Variants in CDH12 observed in about 807,000 individuals in gnomAD.
CDH12 encodes the protein cadherin 12.
A neutral mutation model predicts 74.1 loss-of-function variants in CDH12; 41 were observed. The observed-to-expected ratio is 0.55, with a 90% CI of 0.43 to 0.72. The LOEUF is 0.72. Ranked by LOEUF, CDH12 falls within the 30% of genes least tolerant of loss-of-function variation. The pLI, the probability that CDH12 is intolerant of heterozygous loss-of-function variation, is 0.00. For missense variants in CDH12, 945 were observed against 977.2 expected (o/e 0.97, Z 0.44); for synonymous variants, 399 against 355.0 (o/e 1.12, Z -1.39).
At position 22,699,908 on chromosome 5, in the gene CDH12, C is replaced by T. The variant is rs535425973; in HGVS notation, c.-523+153150G>A. Reference sequence around the variant, plus strand: ...ATGCATCCACAGCCAGGAACGATGGCGCACACCTGTAATCCCAGCACTTTG... The same window carrying T: ...ATGCATCCACAGCCAGGAACGATGGTGCACACCTGTAATCCCAGCACTTTG... On this transcript the variant is annotated intron_variant, in intron 1 of 14. Transcript: ENST00000382254. Among the ~76,000 whole-genome samples, 12 of 152,216 alleles carry T rather than the reference C, an allele frequency of 7.9e-5. No individual in the cohort carries two copies. The East Asian group carries it at 1.2e-3, about 15-fold the overall frequency.
intron 3 of CDH12, among the ~76,000 whole-genome samples, chr5:22,307,268 A>G (rs999029225): frequency 1.3e-5 from 2 of 152,214 alleles, no homozygotes; most frequent in African/African-American, 4.8e-5. Flanking sequence ...TCCAGAGAGT[A>G]AAATCTTCAG....
chr5:21,787,765 A>T (rs1746274777), intron 10 of CDH12, among the ~76,000 whole-genome samples: 1 of 152,170 alleles, frequency 6.6e-6, no homozygotes, highest in South Asian at 2.1e-4. Flanking sequence ...GTGGTACCTT[A>T]GCTCACATGA....
intron 6 of CDH12, among the ~76,000 whole-genome samples, chr5:21,963,983 G>T (rs1474624447): frequency 2.0e-5 from 3 of 152,030 alleles, no homozygotes; most frequent in Non-Finnish European, 4.4e-5. Flanking sequence ...GGAAAGAGAT[G>T]TTTCTAGAAT....
chr5:22,544,480 A>C (rs1354883189), intron 1 of CDH12, among the ~76,000 whole-genome samples: 1 of 152,172 alleles, frequency 6.6e-6, no homozygotes, highest in Non-Finnish European at 1.5e-5. Flanking sequence ...ATAATATTAG[A>C]ATCTCAGATC....
At chr5:22,802,640 G>A (rs1320843150) in intron 1 of CDH12, among the ~76,000 whole-genome samples, 1 of 151,962 alleles carries the variant, frequency 6.6e-6, no homozygotes, top group African/African-American at 2.4e-5. Flanking sequence ...TATTTTCAGA[G>A]TGTCTTTTTT....
intron 3 of CDH12, among the ~76,000 whole-genome samples, chr5:22,230,158 A>G (rs1752333190): frequency 6.6e-6 from 1 of 152,174 alleles, no homozygotes; most frequent in African/African-American, 2.4e-5. Context: ...AAACAACCCT[A>G]CATCTGCCCA....
chr5:21,859,564 G>A (rs1290993655), intron 6 of CDH12, among the ~76,000 whole-genome samples: 1 of 151,846 alleles, frequency 6.6e-6, no homozygotes, highest in East Asian at 1.9e-4. Context: ...ATCAAAGGGT[G>A]GACACGGAAC....
Position 22,578,147 on chromosome 5 carries a change from C to T in CDH12, c.-522-72783G>A, listed in dbSNP as rs943153908. On this transcript the variant is annotated intron_variant, in intron 1 of 14. Transcript: ENST00000382254. The stretch of plus-strand genomic sequence containing the variant: ...TCTCTTTAAATGGATGTGTTATATC[C>T]AGTGTCTTTCTACTCACTTCTAGTA... 3.5e-4 allele frequency among the ~76,000 whole-genome samples: 53 copies of T among 152,052 alleles called. 1 individual carries two copies. Among genetic ancestry groups the T allele is most frequent in the African/African-American group, 1.2e-3 (51 of 41,390 alleles).
At chr5:22,497,199 A>G (rs547596771) in intron 2 of CDH12, among the ~76,000 whole-genome samples, 1 of 152,320 alleles carries the variant, frequency 6.6e-6, no homozygotes, top group South Asian at 2.1e-4. Flanking sequence ...ATCATATAAC[A>G]TATCTACTAG....
At chr5:22,726,010 G>A (rs886937680) in intron 1 of CDH12, among the ~76,000 whole-genome samples, 1 of 151,676 alleles carries the variant, frequency 6.6e-6, no homozygotes, top group Non-Finnish European at 1.5e-5. Flanking sequence ...TTTTGCACCA[G>A]AGTGGCACAT....
chr5:22,041,495 C>T (rs114426753), intron 5 of CDH12, among the ~76,000 whole-genome samples: 1 of 152,034 alleles, frequency 6.6e-6, no homozygotes, highest in Non-Finnish European at 1.5e-5. Flanking sequence ...GTATTCCATG[C>T]AAATGATAAG....
intron 11 of CDH12, among the ~76,000 whole-genome samples, chr5:21,780,575 A>G (rs921206150): frequency 6.6e-6 from 1 of 152,204 alleles, no homozygotes; most frequent in African/African-American, 2.4e-5. Context: ...GTGTGTATGA[A>G]TAGGAAGGTT....
At chr5:22,636,293 T>A (rs1738837108) in intron 1 of CDH12, among the ~76,000 whole-genome samples, 1 of 152,152 alleles carries the variant, frequency 6.6e-6, no homozygotes, top group Admixed American at 6.6e-5. Flanking sequence ...GCCTATCATA[T>A]AACCAATTAT....
chr5:21,841,262 C>T (rs1281780631), intron 8 of CDH12, among the ~76,000 whole-genome samples: 1 of 151,522 alleles, frequency 6.6e-6, no homozygotes, highest in East Asian at 1.9e-4. Context: ...AAAAAATGCT[C>T]ACCATCACTG....
At chr5:21,947,306 G>T (rs1413138249) in intron 6 of CDH12, among the ~76,000 whole-genome samples, 1 of 152,142 alleles carries the variant, frequency 6.6e-6, no homozygotes, top group East Asian at 1.9e-4. Flanking sequence ...GCAGAGGTTG[G>T]AAGTGTTTGG....
rs554500764 is a variant in CDH12 at position 22,774,040 on chromosome 5, T to G, written c.-523+79018A>C. ...GGAACACTGTTGGTGGGAATGTAAA[T>G]TAGTTCAGCCCCTGTGAAAAGCAGT... On this transcript the variant is annotated intron_variant, in intron 1 of 14. Transcript: ENST00000382254. Among the ~76,000 whole-genome samples, 12 of 152,206 alleles carry G rather than the reference T, an allele frequency of 7.9e-5. No individual in the cohort carries two copies. The East Asian group carries it at 2.1e-3, about 27-fold the overall frequency.
chr5:21,796,502 C>G (rs1746790197), intron 10 of CDH12, among the ~76,000 whole-genome samples: 1 of 151,980 alleles, frequency 6.6e-6, no homozygotes, highest in Non-Finnish European at 1.5e-5. Context: ...GGGGAACAAT[C>G]TGTACACTTT....
intron 1 of CDH12, among the ~76,000 whole-genome samples, chr5:22,667,203 T>C (rs1740669407): frequency 6.6e-6 from 1 of 152,228 alleles, no homozygotes; most frequent in African/African-American, 2.4e-5. Flanking sequence ...TTCTGCATTC[T>C]AGTCTTTGTG....
At chr5:22,376,163 A>G (rs1741513839) in intron 3 of CDH12, among the ~76,000 whole-genome samples, 1 of 152,194 alleles carries the variant, frequency 6.6e-6, no homozygotes, top group African/African-American at 2.4e-5. Context: ...CATGGATGGA[A>G]CCAGAGGTCA....
Sources: allele counts gnomAD v4.1 joint callset (sites outside exome capture counted in the v4.1 genomes callset), GRCh38; gene constraint gnomAD v4.1.1; transcripts MANE v1.5; gene names NCBI Gene and HGNC (gene_info 2026-07-23, HGNC 2026-07-21).